PACRG: variants seen among roughly 807,000 people sequenced by gnomAD.
The protein encoded by PACRG is parkin coregulated.
In PACRG, 29 loss-of-function variants were observed where a neutral mutation model predicts 29.7. The ratio of observed to expected loss-of-function variants is 0.98; its 90% CI spans 0.73 to 1.33. The LOEUF is 1.33. PACRG is among the 40% of genes most tolerant of loss of function. The pLI is 0.00. For synonymous variants in PACRG, 116 were observed against 118.7 expected (o/e 0.98, Z 0.15); for missense variants, 279 against 316.2 (o/e 0.88, Z 0.89).
chr6:163,252,571 G>A (rs906293784), intron 4 of PACRG, among the ~76,000 whole-genome samples: 3 of 152,206 alleles, frequency 2.0e-5, no homozygotes, highest in Non-Finnish European at 4.4e-5. Context: ...GGGGCTCACC[G>A]TGCAGAGTCC....
intron 2 of PACRG, among the ~76,000 whole-genome samples, chr6:163,030,675 G>C (rs1416550708): frequency 2.6e-5 from 4 of 152,186 alleles, no homozygotes; most frequent in African/African-American, 9.7e-5. Context: ...AGGGCTGCTT[G>C]TTGCCCATTT....
intron 4 of PACRG, among the ~76,000 whole-genome samples, chr6:163,126,464 G>A (rs1352651693): frequency 2.6e-5 from 4 of 152,138 alleles, no homozygotes. Flanking sequence ...AACCAAGATT[G>A]TCTTTGGTAT....
intron 2 of PACRG, among the ~76,000 whole-genome samples, chr6:163,038,976 C>G (rs544259515): frequency 5.3e-5 from 8 of 152,216 alleles, no homozygotes; most frequent in African/African-American, 1.9e-4. Flanking sequence ...TATAAAATAT[C>G]CTAGTTAACT....
intron 2 of PACRG, among the ~76,000 whole-genome samples, chr6:162,893,873 C>T (rs1794969994): frequency 6.6e-6 from 1 of 152,188 alleles, no homozygotes. Flanking sequence ...AAGTCAGCCT[C>T]CACTCACCAG....
chr6:162,927,624 G>T (rs1797541333), intron 2 of PACRG, among the ~76,000 whole-genome samples: 1 of 151,944 alleles, frequency 6.6e-6, no homozygotes, highest in African/African-American at 2.4e-5. Context: ...GAAATGGGGA[G>T]GGGAACAAAA....
intron 2 of PACRG, among the ~76,000 whole-genome samples, chr6:162,826,969 A>G (rs1159639821): frequency 1.3e-5 from 2 of 152,206 alleles, no homozygotes; most frequent in African/African-American, 4.8e-5. Flanking sequence ...AAAATCAACA[A>G]ATTATAGCAT....
chr6:162,802,445 A>T (rs995326216), intron 1 of PACRG, among the ~76,000 whole-genome samples: 2 of 152,162 alleles, frequency 1.3e-5, no homozygotes, highest in Non-Finnish European at 2.9e-5. Flanking sequence ...TGCATTGGTT[A>T]TACATATAGC....
chr6:163,097,193 T>C (rs556589324), intron 4 of PACRG, among the ~76,000 whole-genome samples: 18 of 152,306 alleles, frequency 1.2e-4, no homozygotes, highest in Admixed American at 3.3e-4. Flanking sequence ...ATATTTGTGG[T>C]TTCTCTGTAT....
intron 4 of PACRG, among the ~76,000 whole-genome samples, chr6:163,207,339 A>G (rs1159421267): frequency 6.6e-6 from 1 of 152,212 alleles, no homozygotes; most frequent in Non-Finnish European, 1.5e-5. Flanking sequence ...AACAGGTGAT[A>G]CCCAGGGTTT....
chr6:163,052,802 T>C (rs1810157749), intron 2 of PACRG, among the ~76,000 whole-genome samples: 1 of 152,172 alleles, frequency 6.6e-6, no homozygotes, highest in Non-Finnish European at 1.5e-5. Context: ...GTTATGGGGA[T>C]AAATATTTGA....
chr6:163,205,840 A>G (rs1780880076), intron 4 of PACRG, among the ~76,000 whole-genome samples: 1 of 152,218 alleles, frequency 6.6e-6, no homozygotes. Context: ...TTCAGAATCT[A>G]TAAGGAACTT....
chr6:162,926,149 AAG>A (rs1797422403), intron 2 of PACRG, among the ~76,000 whole-genome samples: 1 of 152,072 alleles, frequency 6.6e-6, no homozygotes, highest in Non-Finnish European at 1.5e-5. Flanking sequence ...TCAAGAAAAT[AAG>A]AGAGGACACA....
At chr6:162,828,208 A>G (rs1267604717) in intron 2 of PACRG, among the ~76,000 whole-genome samples, 2 of 152,218 alleles carry the variant, frequency 1.3e-5, no homozygotes, top group African/African-American at 4.8e-5. Context: ...TACAGGTCCC[A>G]TAGATCTTTT....
intron 4 of PACRG, among the ~76,000 whole-genome samples, chr6:163,293,010 A>G (rs978808787): frequency 1.3e-5 from 2 of 152,216 alleles, no homozygotes; most frequent in Admixed American, 1.3e-4. Context: ...AAAATCAAGC[A>G]TAGTGCTAAT....
At chr6:163,103,561 T>C (rs1027188513) in intron 4 of PACRG, among the ~76,000 whole-genome samples, 1 of 152,182 alleles carries the variant, frequency 6.6e-6, no homozygotes, top group African/African-American at 2.4e-5. Context: ...GAATAATCCC[T>C]TGTTTTAAGG....
At chr6:163,236,181 C>G (rs1384316362) in intron 4 of PACRG, among the ~76,000 whole-genome samples, 1 of 152,100 alleles carries the variant, frequency 6.6e-6, no homozygotes, top group Non-Finnish European at 1.5e-5. Flanking sequence ...TTAAATAGAA[C>G]TGTTCTCCTC....
intron 4 of PACRG, among the ~76,000 whole-genome samples, chr6:163,120,957 C>A (rs2128324494): frequency 6.6e-6 from 1 of 152,298 alleles, no homozygotes; most frequent in African/African-American, 2.4e-5. Flanking sequence ...GACCATGAGA[C>A]TTTAAGAGCA....
chr6:162,869,491 G>A (rs1037773959), intron 2 of PACRG, among the ~76,000 whole-genome samples: 3 of 152,160 alleles, frequency 2.0e-5, no homozygotes, highest in African/African-American at 7.2e-5. Flanking sequence ...TGATTTTTGT[G>A]TTCAGGGAAG....
chr6:163,187,153 A>G (rs1475431794), intron 4 of PACRG, among the ~76,000 whole-genome samples: 2 of 152,188 alleles, frequency 1.3e-5, no homozygotes, highest in Non-Finnish European at 2.9e-5. Context: ...CACAGTTTCA[A>G]CTGTATGTGA....
Sources: allele counts gnomAD v4.1 joint callset (sites outside exome capture counted in the v4.1 genomes callset), GRCh38; gene constraint gnomAD v4.1.1; transcripts MANE v1.5; gene names NCBI Gene and HGNC (gene_info 2026-07-23, HGNC 2026-07-21).